The following LRFN5 variants were observed in gnomAD, a reference collection of about 807,000 sequenced individuals.
LRFN5 encodes the protein leucine rich repeat and fibronectin type III domain containing 5, also known as leucine-rich repeat and fibronectin type-III domain-containing protein 5.
A neutral mutation model predicts 45.6 loss-of-function variants in LRFN5; 24 were observed. That is an observed-to-expected ratio of 0.53 (90% CI 0.38 to 0.74). LRFN5 has a LOEUF of 0.74. Ranked by LOEUF, LRFN5 falls within the 30% of genes least tolerant of loss-of-function variation. The pLI, the probability that LRFN5 is intolerant of heterozygous loss-of-function variation, is 0.00. For missense variants in LRFN5, 776 were observed against 861.5 expected (o/e 0.90, Z 1.24); for synonymous variants, 340 against 313.8 (o/e 1.08, Z -0.88).
At chr14:41,783,923 G>A (rs34009991) in intron 2 of LRFN5, among the ~76,000 whole-genome samples, 20,616 of 151,802 alleles carry the variant, frequency 0.14, 1,673 homozygotes, top group Non-Finnish European at 0.18. Context: ...TGATTTTTGT[G>A]TTATAAGAAA....
At chr14:41,803,905 C>T (rs1427187997) in intron 2 of LRFN5, among the ~76,000 whole-genome samples, 1 of 151,998 alleles carries the variant, frequency 6.6e-6, no homozygotes. Flanking sequence ...ACTCTGTCAC[C>T]CAGGCTGGAG....
chr14:41,651,624 C>A (rs932364448), intron 1 of LRFN5, among the ~76,000 whole-genome samples: 2 of 152,176 alleles, frequency 1.3e-5, no homozygotes, highest in African/African-American at 4.8e-5. Context: ...TAAAAATAGA[C>A]ATTCAAATAC....
intron 2 of LRFN5, among the ~76,000 whole-genome samples, chr14:41,776,041 C>T (rs1040012352): frequency 2.6e-5 from 4 of 152,240 alleles, no homozygotes; most frequent in Admixed American, 6.5e-5. Flanking sequence ...CTGAATGTGT[C>T]ACTAAGTAGT....
At chr14:41,823,079 T>TA (rs201573708) in intron 2 of LRFN5, among the ~76,000 whole-genome samples, 2,223 of 151,526 alleles carry the variant, frequency 0.015, 51 homozygotes, top group African/African-American at 0.05. Context: ...GAATCTTTTT[T>TA]AAAAAAAAAT....
chr14:41,733,865 T>C (rs565883883), intron 1 of LRFN5, among the ~76,000 whole-genome samples: 2 of 151,506 alleles, frequency 1.3e-5, no homozygotes, highest in African/African-American at 4.8e-5. Context: ...TGATTTTTTA[T>C]CTACATAAAC....
At chr14:41,882,366 A>G (rs1015300386) in intron 2 of LRFN5, among the ~76,000 whole-genome samples, 7 of 152,166 alleles carry the variant, frequency 4.6e-5, no homozygotes, top group African/African-American at 1.7e-4. Flanking sequence ...AGGTATCTGT[A>G]TGGAAATGAA....
chr14:41,728,635 C>T (rs937757506), intron 1 of LRFN5, among the ~76,000 whole-genome samples: 1 of 152,144 alleles, frequency 6.6e-6, no homozygotes, highest in African/African-American at 2.4e-5. Flanking sequence ...ATCTAACTTT[C>T]TCTCCTAATT....
intron 3 of LRFN5, among the ~76,000 whole-genome samples, chr14:41,890,663 C>T (rs191737144): frequency 2.0e-5 from 3 of 150,544 alleles, no homozygotes; most frequent in Admixed American, 6.6e-5. Context: ...GCCGAGATTG[C>T]GCCACTGCAC....
intron 1 of LRFN5, among the ~76,000 whole-genome samples, chr14:41,702,628 A>ATTTTTAT (rs1293594676): frequency 9.2e-5 from 14 of 151,724 alleles, no homozygotes; most frequent in African/African-American, 2.7e-4. Context: ...GCGCCAGCTA[A>ATTTTTAT]TTTTTATTTT....
chr14:41,657,129 A>G (rs762090774), intron 1 of LRFN5, among the ~76,000 whole-genome samples: 3 of 151,844 alleles, frequency 2.0e-5, no homozygotes, highest in Non-Finnish European at 2.9e-5. Flanking sequence ...CCTCTCATCT[A>G]TATCTTTCTG....
intron 2 of LRFN5, among the ~76,000 whole-genome samples, chr14:41,869,566 A>T (rs923081492): frequency 2.0e-5 from 3 of 152,072 alleles, no homozygotes; most frequent in African/African-American, 4.8e-5. Context: ...TAGTTGTATT[A>T]GTCTGTTTTC....
chr14:41,877,229 T>C (rs1890216046), intron 2 of LRFN5, among the ~76,000 whole-genome samples: 1 of 152,192 alleles, frequency 6.6e-6, no homozygotes, highest in South Asian at 2.1e-4. Flanking sequence ...TATATGCAGT[T>C]GTGCAATATA....
chr14:41,883,882 C>T (rs1379519068), intron 2 of LRFN5, among the ~76,000 whole-genome samples: 1 of 152,130 alleles, frequency 6.6e-6, no homozygotes, highest in Non-Finnish European at 1.5e-5. Flanking sequence ...TTCTGCCTAA[C>T]AGCATTCTTC....
chr14:41,690,421 T>C (rs150434031), intron 1 of LRFN5, among the ~76,000 whole-genome samples: 5,066 of 152,088 alleles, frequency 0.033, 142 homozygotes, highest in African/African-American at 0.085. Flanking sequence ...GGCATGGTGG[T>C]GTGCACCTGT....
intron 1 of LRFN5, among the ~76,000 whole-genome samples, chr14:41,610,725 C>T (rs1474679274): frequency 9.1e-6 from 1 of 110,114 alleles, no homozygotes; most frequent in East Asian, 2.4e-4. Flanking sequence ...TGAAAGGTAA[C>T]AGATAATTGG....
intron 5 of LRFN5, 97 bp downstream of exon 5, chr14:41,899,057 C>T (rs1344879211): frequency 1.0e-6 from 1 of 967,488 alleles, no homozygotes; most frequent in Non-Finnish European, 1.5e-6. Context: ...ATTTATGTAG[C>T]TTGTTGAAAT....
chr14:41,824,136 G>A (rs999845395), intron 2 of LRFN5, among the ~76,000 whole-genome samples: 10 of 152,036 alleles, frequency 6.6e-5, no homozygotes, highest in African/African-American at 2.2e-4. Flanking sequence ...TCCCTTACAA[G>A]CCGTAGTTTG....
At position 41,817,768 on chromosome 14, in the gene LRFN5, G is replaced by C. The variant is rs187943598; in HGVS notation, c.-21+50739G>C. On this transcript the variant is annotated intron_variant, in intron 2 of 5. Transcript: ENST00000298119. ...TGAGAACCTAGATAAACTCCGGGGG[G>C]TAAAATACAAAAGGGTAAGGGCCCC... 5.7e-4 allele frequency among the ~76,000 whole-genome samples: 87 copies of C among 152,216 alleles called. 1 individual carries two copies. The highest frequency in any genetic ancestry group is 1.5e-5 in the Non-Finnish European group (1 of 67,998).
intron 2 of LRFN5, among the ~76,000 whole-genome samples, chr14:41,772,738 C>G (rs527238788): frequency 6.6e-6 from 1 of 152,130 alleles, no homozygotes; most frequent in Non-Finnish European, 1.5e-5. Flanking sequence ...ATACATTCTT[C>G]TGGTGTTCTT....
Sources: allele counts gnomAD v4.1 joint callset (sites outside exome capture counted in the v4.1 genomes callset), GRCh38; gene constraint gnomAD v4.1.1; transcripts MANE v1.5; gene names NCBI Gene and HGNC (gene_info 2026-07-23, HGNC 2026-07-21).